The following PDE6D variants were observed in gnomAD, a reference collection of about 807,000 sequenced individuals.
PDE6D encodes phosphodiesterase 6D.
Under a neutral mutation model 21.9 loss-of-function variants are expected in PDE6D, and 10 were observed. That is an observed-to-expected ratio of 0.46 (90% CI 0.28 to 0.78). The LOEUF is 0.78. PDE6D is among the 30% of genes least tolerant of loss of function. The pLI is 0.12. For synonymous variants in PDE6D, 59 were observed against 63.5 expected, an observed-to-expected ratio of 0.93 and a Z score of 0.34; for missense variants, 139 against 184.8, an observed-to-expected ratio of 0.75 and a Z score of 1.44.
intron 1 of PDE6D, among the ~76,000 whole-genome samples, chr2:231,755,721 G>C (rs1224343532): frequency 6.6e-6 from 1 of 152,194 alleles, no homozygotes. Flanking sequence ...AGGAGTTCCA[G>C]ACCAGCCTGA....
At chr2:231,752,507 A>G (rs1234257207) in intron 1 of PDE6D, among the ~76,000 whole-genome samples, 2 of 152,210 alleles carry the variant, frequency 1.3e-5, no homozygotes, top group Non-Finnish European at 2.9e-5. Flanking sequence ...TATGGAAGTG[A>G]CTTTTTATGA....
intron 1 of PDE6D, among the ~76,000 whole-genome samples, chr2:231,758,309 G>GTT (rs540543710): frequency 5.4e-5 from 8 of 148,664 alleles, no homozygotes; most frequent in African/African-American, 2.0e-4. Context: ...TTTTTTTTTT[G>GTT]TTTTTTTTTG....
At chr2:231,758,360 C>T (rs772524441) in intron 1 of PDE6D, among the ~76,000 whole-genome samples, 1 of 151,926 alleles carries the variant, frequency 6.6e-6, no homozygotes, top group African/African-American at 2.4e-5. Context: ...CTGGCTCAAA[C>T]TCCTGGGCTC....
In PDE6D at chr2:231,774,321, T is replaced by C. The variant is rs574812467; in HGVS notation, c.50+6744A>G. Reference sequence around the variant, plus strand: ...CTGAACCAAACATCTTTTATGCAGTTTCATTTAATTCTCAAAACAACCCTC... The same window carrying C: ...CTGAACCAAACATCTTTTATGCAGTCTCATTTAATTCTCAAAACAACCCTC... On this transcript the variant is annotated intron_variant, in intron 1 of 4. Transcript: ENST00000287600. Among the ~76,000 whole-genome samples the C allele has an allele frequency of 2.0e-5, 3 of 152,298 alleles. No individual in the cohort carries two copies. The East Asian group carries it at 5.8e-4, about 29-fold the overall frequency.
At chr2:231,774,054 C>T (rs1003065275) in intron 1 of PDE6D, among the ~76,000 whole-genome samples, 12 of 152,034 alleles carry the variant, frequency 7.9e-5, no homozygotes, top group South Asian at 4.1e-4. Context: ...CTGCCTCAGC[C>T]TCCCGAGTAG....
At chr2:231,744,552 GCCT>G (rs996835263) in intron 1 of PDE6D, among the ~76,000 whole-genome samples, 2 of 151,358 alleles carry the variant, frequency 1.3e-5, no homozygotes, top group African/African-American at 4.9e-5. Context: ...TCCTGCCTCA[GCCT>G]CCTGAGTATT....
At chr2:231,740,028 C>G (rs1204922170) in intron 1 of PDE6D, among the ~76,000 whole-genome samples, 2 of 151,930 alleles carry the variant, frequency 1.3e-5, no homozygotes, top group African/African-American at 4.8e-5. Flanking sequence ...CAGATAAAGA[C>G]ATAAGTTTTA....
intron 1 of PDE6D, among the ~76,000 whole-genome samples, chr2:231,775,905 C>T (rs927045565): frequency 2.0e-5 from 3 of 152,044 alleles, no homozygotes; most frequent in African/African-American, 7.2e-5. Flanking sequence ...ATAATGAAAT[C>T]ATAAAAGCAT....
chr2:231,774,922 AT>A (rs1354021790), intron 1 of PDE6D, among the ~76,000 whole-genome samples: 11 of 121,298 alleles, frequency 9.1e-5, no homozygotes, highest in African/African-American at 2.2e-4. Context: ...TTTTATTTTT[AT>A]TTTTTTTGAG....
At chr2:231,753,411 C>T (rs1323967218) in intron 1 of PDE6D, among the ~76,000 whole-genome samples, 1 of 151,522 alleles carries the variant, frequency 6.6e-6, no homozygotes, top group Admixed American at 6.6e-5. Context: ...CATAGCTGGG[C>T]GTGGCGGCAC....
chr2:231,778,563 G>A (rs1385677411), intron 1 of PDE6D, among the ~76,000 whole-genome samples: 3 of 152,182 alleles, frequency 2.0e-5, no homozygotes, highest in African/African-American at 7.2e-5. Context: ...TGGATCAGGT[G>A]CTTTTCTAAA....
chr2:231,764,510 G>A (rs563200046), intron 1 of PDE6D, among the ~76,000 whole-genome samples: 1 of 152,312 alleles, frequency 6.6e-6, no homozygotes, highest in African/African-American at 2.4e-5. Context: ...CAACAGAGAA[G>A]GGTGAGATAA....
Position 231,737,231 on chromosome 2 carries a change from T to C in PDE6D, c.327A>G (p.Ile109Met). Residue 109 changes from isoleucine to methionine, a missense_variant, in exon 4 of 5, where the codon ATA becomes ATG. By Grantham distance (10) the Ile-to-Met change is conservative (BLOSUM62 1). Transcript: ENST00000287600. ...PNSTNTWQSL[I>M]EAAPESQMMP... ...TCATCTGGGACTCGGGTGCTGCCTC[T>C]ATCAAGGACTGCCAGGTATTTGTGG... 6.2e-7 allele frequency: 1 copy of C among 1,613,082 alleles called. No individual in the cohort carries two copies. The highest frequency in any genetic ancestry group is 8.5e-7 in the Non-Finnish European group (1 of 1,179,068).
chr2:231,740,054 A>AAAGAG (rs1293932892), intron 1 of PDE6D, among the ~76,000 whole-genome samples: 6 of 152,210 alleles, frequency 3.9e-5, no homozygotes, highest in Non-Finnish European at 7.3e-5. Context: ...GAGCATTAAA[A>AAAGAG]AAGAGAGATA....
At chr2:231,776,445 A>C (rs1420830164) in intron 1 of PDE6D, among the ~76,000 whole-genome samples, 1 of 152,224 alleles carries the variant, frequency 6.6e-6, no homozygotes, top group Non-Finnish European at 1.5e-5. Context: ...GTAAGTTACA[A>C]AGTGATATTT....
At chr2:231,756,637 C>A (rs1231931825) in intron 1 of PDE6D, among the ~76,000 whole-genome samples, 3 of 139,780 alleles carry the variant, frequency 2.1e-5, no homozygotes, top group African/African-American at 8.0e-5. Context: ...CAGGGTCTCT[C>A]TCTGTTGTTC....
intron 1 of PDE6D, among the ~76,000 whole-genome samples, chr2:231,776,408 T>C (rs1230442538): frequency 6.6e-6 from 1 of 151,026 alleles, no homozygotes; most frequent in Non-Finnish European, 1.5e-5. Context: ...ATCATAAACA[T>C]GGTAAATCTA....
At chr2:231,760,278 A>G (rs2048915911) in intron 1 of PDE6D, among the ~76,000 whole-genome samples, 1 of 152,206 alleles carries the variant, frequency 6.6e-6, no homozygotes, top group African/African-American at 2.4e-5. Flanking sequence ...TTTGGCAGAA[A>G]TGTATACAGT....
intron 1 of PDE6D, among the ~76,000 whole-genome samples, chr2:231,742,927 C>T (rs1445112118): frequency 6.6e-6 from 1 of 152,200 alleles, no homozygotes; most frequent in African/African-American, 2.4e-5. Flanking sequence ...GCATGCCAAC[C>T]TGCCCTTTCC....
Sources: gnomAD v4.1 joint callset for allele counts (sites outside exome capture counted in the v4.1 genomes callset) on GRCh38, gnomAD v4.1.1 for gene constraint, MANE v1.5 for transcripts, NCBI Gene and HGNC (gene_info 2026-07-23, HGNC 2026-07-21) for gene names.